FAM120B: variants seen among roughly 807,000 people sequenced by gnomAD.
The protein encoded by FAM120B is constitutive coactivator of peroxisome proliferator-activated receptor gamma.
A neutral mutation model predicts 96.3 loss-of-function variants in FAM120B; 83 were observed. The ratio of observed to expected loss-of-function variants is 0.86; its 90% CI spans 0.72 to 1.03. The LOEUF (loss-of-function observed/expected upper bound fraction) is 1.03, where lower values mean the gene tolerates loss of function less well. FAM120B is among the 50% of genes least tolerant of loss of function. The pLI, the probability that FAM120B is intolerant of heterozygous loss-of-function variation, is 0.00. For synonymous variants in FAM120B, 407 were observed against 402.7 expected (o/e 1.01, Z -0.13); for missense variants, 1,027 against 1,121.2 (o/e 0.92, Z 1.20).
intron 9 of FAM120B, among the ~76,000 whole-genome samples, chr6:170,396,426 A>T (rs1324385794): frequency 6.6e-6 from 1 of 152,184 alleles, no homozygotes; most frequent in African/African-American, 2.4e-5. Context: ...TGTATTGCTG[A>T]CTGTAGATGA....
intron 4 of FAM120B, among the ~76,000 whole-genome samples, chr6:170,337,242 AG>A (rs879177729): frequency 7.2e-5 from 11 of 152,202 alleles, no homozygotes; most frequent in South Asian, 2.1e-4. Flanking sequence ...TTTAGCATGA[AG>A]GGCTGTTGAA....
chr6:170,398,437 A>C (rs536829638), intron 9 of FAM120B, among the ~76,000 whole-genome samples: 5 of 151,912 alleles, frequency 3.3e-5, no homozygotes, highest in Non-Finnish European at 7.4e-5. Context: ...GTGAGTGAGA[A>C]AGGTAGAACT....
chr6:170,361,488 C>T (rs1788457062), intron 6 of FAM120B, among the ~76,000 whole-genome samples: 1 of 151,958 alleles, frequency 6.6e-6, no homozygotes, highest in South Asian at 2.1e-4. Context: ...AAGTAAAGGA[C>T]AAAGGATAGT....
Position 170,371,328 on chromosome 6 carries a change from G to A in FAM120B, c.2283+13010G>A, listed in dbSNP as rs1296337960. ...GTGGCTGAGGGTTGTGTGGATGGAC[G>A]ATGTTTTGTTTGTCTGTCATCAGCT... On this transcript the variant is annotated intron_variant, in intron 6 of 10. Transcript: ENST00000476287. 3.3e-5 allele frequency among the ~76,000 whole-genome samples: 5 copies of A among 152,104 alleles called. No individual in the cohort carries two copies. The East Asian group carries it at 9.7e-4, about 29-fold the overall frequency.
upstream of FAM120B, among the ~76,000 whole-genome samples, chr6:170,292,203 T>C (rs936447789): frequency 6.6e-6 from 1 of 152,132 alleles, no homozygotes; most frequent in Non-Finnish European, 1.5e-5. The surrounding 1 kb of genome is among the most constrained non-coding windows in gnomAD (Gnocchi z 6.6). Flanking sequence ...CCTTATTAGG[T>C]TTTTACACGT....
intron 9 of FAM120B, among the ~76,000 whole-genome samples, chr6:170,402,776 G>A (rs1419199079): frequency 6.6e-6 from 1 of 152,236 alleles, no homozygotes; most frequent in East Asian, 1.9e-4. Context: ...CTGGGTGCAA[G>A]GCCTAAGGGA....
At chr6:170,354,351 A>G (rs1027749260) in intron 5 of FAM120B, among the ~76,000 whole-genome samples, 1 of 152,228 alleles carries the variant, frequency 6.6e-6, no homozygotes, top group Non-Finnish European at 1.5e-5. Flanking sequence ...CATTCAGAAC[A>G]TAGGCATGGG....
intron 3 of FAM120B, among the ~76,000 whole-genome samples, chr6:170,330,082 A>G (rs947363409): frequency 6.6e-6 from 1 of 152,190 alleles, no homozygotes. Context: ...AACTGTATCC[A>G]TGTTGACTGT....
At chr6:170,300,509 T>A (rs1240577227) in intron 1 of FAM120B, among the ~76,000 whole-genome samples, 1 of 152,146 alleles carries the variant, frequency 6.6e-6, no homozygotes, top group Non-Finnish European at 1.5e-5. Flanking sequence ...TCCTCACATT[T>A]CAAAACACAA....
intron 3 of FAM120B, among the ~76,000 whole-genome samples, chr6:170,327,475 C>T (rs1785672604): frequency 6.6e-6 from 1 of 152,210 alleles, no homozygotes; most frequent in African/African-American, 2.4e-5. Context: ...AGATTTGACC[C>T]ATGAGCTGGT....
chr6:170,395,361 C>A, intron 8 of FAM120B, 126 bp from the exon 9 acceptor site: 1 of 761,690 alleles, frequency 1.3e-6, no homozygotes, highest in Non-Finnish European at 2.3e-6. Context: ...TTTTTCATGA[C>A]CCTCCCTCTG....
chr6:170,375,972 G>T (rs1789486641), intron 6 of FAM120B, among the ~76,000 whole-genome samples: 1 of 152,186 alleles, frequency 6.6e-6, no homozygotes, highest in African/African-American at 2.4e-5. Flanking sequence ...AGCCACAGAT[G>T]GGTGGCCCTA....
chr6:170,338,596 G>T (rs374712046), intron 4 of FAM120B, among the ~76,000 whole-genome samples: 1 of 151,894 alleles, frequency 6.6e-6, no homozygotes, highest in Non-Finnish European at 1.5e-5. Flanking sequence ...TTTTTGTCTC[G>T]TTGATCTAAT....
chr6:170,330,836 G>A, intron 4 of FAM120B: 1 of 380,980 alleles, frequency 2.6e-6, no homozygotes, highest in Middle Eastern at 3.3e-4. Flanking sequence ...GAGACAGAAG[G>A]ATGGCCGTGG....
intron 9 of FAM120B, 81 bp downstream of exon 9, chr6:170,395,660 C>T (rs1272190336): frequency 3.5e-5 from 34 of 976,160 alleles, no homozygotes; most frequent in South Asian, 1.4e-5. Flanking sequence ...TAACTGCCTT[C>T]CTCTGTTTCA....
At position 170,391,088 on chromosome 6, in the gene FAM120B, A is replaced by G; in HGVS notation, c.2566A>G (p.Thr856Ala). The change falls in exon 8 of 11, where the codon ACT becomes GCT. Residue 856 changes from threonine to alanine, a missense_variant. By Grantham distance (58) the Thr-to-Ala change is moderately conservative. Coordinates refer to ENST00000476287, the MANE Select transcript of FAM120B (RefSeq NM_032448.3). ...KACMKENRRI[T>A]GRAHWGSHHA... ...CTGCATGAAGGAGAACAGACGCATC[A>G]CTGGCCGAGCCCACTGGGGCTCACA... The G allele has an allele frequency of 1.9e-6, 3 of 1,614,168 alleles. No individual in the cohort carries two copies. Among genetic ancestry groups the G allele is most frequent in the Non-Finnish European group, 2.5e-6 (3 of 1,180,026 alleles).
At chr6:170,392,969 G>A (rs1242821418) in intron 8 of FAM120B, among the ~76,000 whole-genome samples, 1 of 152,110 alleles carries the variant, frequency 6.6e-6, no homozygotes. Flanking sequence ...CAAAATAAAT[G>A]TGTGATACTC....
intron 4 of FAM120B, among the ~76,000 whole-genome samples, chr6:170,339,371 G>T (rs980191967): frequency 6.6e-6 from 1 of 151,798 alleles, no homozygotes; most frequent in African/African-American, 2.4e-5. Flanking sequence ...CATTTTTCCA[G>T]TTCCAAAATG....
intron 9 of FAM120B, among the ~76,000 whole-genome samples, chr6:170,401,000 T>A (rs1040825431): frequency 1.3e-5 from 2 of 152,188 alleles, no homozygotes; most frequent in Non-Finnish European, 2.9e-5. Flanking sequence ...CTTCCTTGGA[T>A]TGACAGGAAG....
Sources: gnomAD v4.1 joint callset for allele counts (sites outside exome capture counted in the v4.1 genomes callset) on GRCh38, gnomAD v4.1.1 for gene constraint, Gnocchi (gnomAD v3.1) non-coding constraint, MANE v1.5 for transcripts, NCBI Gene and HGNC (gene_info 2026-07-23, HGNC 2026-07-21) for gene names.